RWDD4: variants seen among roughly 807,000 people sequenced by gnomAD.
RWDD4 encodes RWD domain-containing protein 4.
RWDD4 carries 16 observed loss-of-function variants against 30.0 expected under a neutral mutation model. The ratio of observed to expected loss-of-function variants is 0.53; its 90% CI spans 0.36 to 0.81. The LOEUF is 0.81. Ranked by LOEUF, RWDD4 falls within the 30% of genes least tolerant of loss-of-function variation. The pLI is 0.00. For missense variants in RWDD4, 170 were observed against 223.9 expected (o/e 0.76, Z 1.54); for synonymous variants, 45 against 72.1 (o/e 0.62, Z 1.90).
Position 183,646,506 on chromosome 4 carries a change from G to A in RWDD4, c.513C>T (p.Asn171=). 1 of 1,612,472 alleles carries A rather than the reference G, an allele frequency of 6.2e-7. No homozygotes were observed. The change falls in exon 6 of 8, where the codon AAC becomes AAT. Residue 171 remains asparagine, a synonymous_variant. Transcript: ENST00000326397. ...TATATACCTTCACAACATCAACCCA[G>A]TTCCAGCCTCGAGGAAGTTCTCCTT... ...DHKGELPRGW[N]WVDVVKHLSK... is the part of the protein sequence containing the mutation.
rs746186947 is a variant in RWDD4 at position 183,649,571 on chromosome 4, A to C, written c.364-3T>G. On this transcript the variant is annotated splice_region_variant and splice_polypyrimidine_tract_variant and intron_variant, in intron 4 of 7. Transcript: ENST00000326397. ...GAGATGATATTGCTTATCGATGTCT[A>C]AAAAAAAAAAGAAATAATTCTCAGC... 2.4e-6 allele frequency: 1 copy of C among 413,508 alleles called. No homozygotes were observed. The highest frequency in any genetic ancestry group is 3.3e-6 in the Non-Finnish European group (1 of 301,372). 25.6% of individuals were successfully genotyped at this position (413,508 alleles called of 1,614,324 possible).
chr4:183,651,969 T>C (rs1334870082), intron 2 of RWDD4, among the ~76,000 whole-genome samples: 1 of 152,194 alleles, frequency 6.6e-6, no homozygotes, highest in South Asian at 2.1e-4. Context: ...ATTCACCAAA[T>C]ACTTTCTGCC....
intron 2 of RWDD4, among the ~76,000 whole-genome samples, chr4:183,655,027 G>A (rs976284555): frequency 5.3e-5 from 8 of 151,242 alleles, no homozygotes; most frequent in South Asian, 2.1e-4. Context: ...TGGAACCTCC[G>A]CCTCCTGGGT....
At position 183,642,468 on chromosome 4, in the gene RWDD4, C is replaced by T. The variant is rs111537745; in HGVS notation, c.535-1000G>A. On this transcript the variant is annotated intron_variant, in intron 7 of 7. Transcript: ENST00000326397. ...CCTCCCAAAGTGCTGGGATTACAGG[C>T]GTGAGCCACCACGCCCCACCCCAAA... 4.8e-3 allele frequency among the ~76,000 whole-genome samples: 417 copies of T among 86,162 alleles called. 31 individuals carry two copies. Among genetic ancestry groups the T allele is most frequent in the Middle Eastern group, 0.02 (4 of 196 alleles). 56.5% of individuals were successfully genotyped at this position (86,162 alleles called of 152,430 possible).
At position 183,655,943 on chromosome 4, in the gene RWDD4, G is replaced by A. The variant is rs1019115160; in HGVS notation, c.43C>T (p.Arg15Cys). Reference sequence around the variant, plus strand: ...CTTTCATCTCCTTCATAAATAGAGCGTAATGCTTCTAGTTCCATCTGAAAT... The same window carrying A: ...CTTTCATCTCCTTCATAAATAGAGCATAATGCTTCTAGTTCCATCTGAAAT... ...EDQEMELEALRSIYEGDESFR... is the reference protein window; with the variant it reads ...EDQEMELEALCSIYEGDESFR... Residue 15 changes from arginine (R) to cysteine (C), a missense_variant, in exon 2 of 8, where the codon CGC becomes TGC. Transcript: ENST00000326397. 6.2e-7 allele frequency: 1 copy of A among 1,609,736 alleles called. No individual in the cohort carries two copies. Among genetic ancestry groups the A allele is most frequent in the Non-Finnish European group, 8.5e-7 (1 of 1,176,576 alleles).
At chr4:183,655,143 G>T (rs1027584549) in intron 2 of RWDD4, among the ~76,000 whole-genome samples, 1 of 151,834 alleles carries the variant, frequency 6.6e-6, no homozygotes, top group African/African-American at 2.4e-5. Context: ...GTTTCACCTT[G>T]TTGGCCAGGC....
intron 4 of RWDD4, 27 bp downstream of exon 4, chr4:183,650,957 C>T (rs1371804566): frequency 6.3e-7 from 1 of 1,587,466 alleles, no homozygotes; most frequent in African/African-American, 1.4e-5. Flanking sequence ...ACAAAAGAAT[C>T]CGGCAAAAAA....
intron 2 of RWDD4, among the ~76,000 whole-genome samples, chr4:183,653,918 T>A (rs1734133551): frequency 6.6e-6 from 1 of 152,102 alleles, no homozygotes; most frequent in Non-Finnish European, 1.5e-5. Context: ...GAATAATAGT[T>A]CAAAAGTAAC....
chr4:183,649,301 C>T (rs1734026952), intron 5 of RWDD4, 150 bp downstream of exon 5: 1 of 522,602 alleles, frequency 1.9e-6, no homozygotes, highest in Non-Finnish European at 3.4e-6. Flanking sequence ...ATAATCCCAA[C>T]TACTCGGGAG....
chr4:183,658,854 G>T (rs1437148450), intron 1 of RWDD4, 75 bp downstream of exon 1: 1 of 1,182,308 alleles, frequency 8.5e-7, no homozygotes, highest in Non-Finnish European at 1.1e-6. Flanking sequence ...GGCTGTCCGG[G>T]CACCAGGTCT....
At chr4:183,645,874 A>G (rs907414204) in intron 7 of RWDD4, among the ~76,000 whole-genome samples, 15 of 152,312 alleles carry the variant, frequency 9.8e-5, no homozygotes, top group Middle Eastern at 3.4e-3. Flanking sequence ...ACTTGGAGTC[A>G]TATTTAAGAA....
At chr4:183,645,164 G>A (rs1733943820) in intron 7 of RWDD4, among the ~76,000 whole-genome samples, 2 of 152,248 alleles carry the variant, frequency 1.3e-5, no homozygotes, top group East Asian at 1.9e-4. Context: ...TACACTGCTT[G>A]TAAATTACCT....
At chr4:183,650,111 C>T (rs542249105) in intron 4 of RWDD4, among the ~76,000 whole-genome samples, 19 of 152,164 alleles carry the variant, frequency 1.2e-4, no homozygotes, top group African/African-American at 4.1e-4. Flanking sequence ...TTCCATATAC[C>T]ACACATTTGA....
chr4:183,642,853 T>C (rs1733886716), intron 7 of RWDD4, among the ~76,000 whole-genome samples: 1 of 149,000 alleles, frequency 6.7e-6, no homozygotes, highest in Non-Finnish European at 1.5e-5. Context: ...GGTCAGGAGA[T>C]TGAGACCATC....
At position 183,658,917 on chromosome 4, in the gene RWDD4, CG is replaced by C. The variant is rs768719785; in HGVS notation, c.24+11del. 58 of 1,265,652 alleles carry C rather than the reference CG, an allele frequency of 4.6e-5. No individual in the cohort carries two copies. Among genetic ancestry groups the C allele is most frequent in the African/African-American group, 7.6e-5 (5 of 65,684 alleles). 78.4% of individuals were successfully genotyped at this position (1,265,652 alleles called of 1,614,324 possible). ...CCCGCGCTGGGAGAGGGCCCTGAGCCGGGGGGCTCACCTCCTGGTCCTCGTT... is the reference window on the plus strand; with the variant it reads ...CCCGCGCTGGGAGAGGGCCCTGAGCCGGGGGCTCACCTCCTGGTCCTCGTT... On this transcript the variant is annotated intron_variant, in intron 1 of 7. Transcript: ENST00000326397.
chr4:183,656,026 AC>A, intron 1 of RWDD4, 65 bp from the exon 2 acceptor site: 1 of 1,071,568 alleles, frequency 9.3e-7, no homozygotes, highest in Non-Finnish European at 1.4e-6. Flanking sequence ...GAGGGTCTTT[AC>A]TTTCTCATTC....
rs1734315892 is a variant in RWDD4, at chr4:183,659,153, A to T, written c.-201T>A. 2 of 408,580 alleles carry T rather than the reference A, an allele frequency of 4.9e-6. No homozygotes were observed. The highest frequency in any genetic ancestry group is 7.2e-5 in the East Asian group (2 of 27,862). 25.3% of individuals were successfully genotyped at this position (408,580 alleles called of 1,614,324 possible). On this transcript the variant is annotated 5_prime_UTR_variant, in exon 1 of 8. Coordinates refer to ENST00000326397, the MANE Select transcript of RWDD4 (RefSeq NM_152682.4). The stretch of plus-strand genomic sequence containing the variant: ...CGCCGGCAGTGGGCTGTGGGCTACG[A>T]GCCGGAGCCGCGGCTGGTGGGGCCT...
At chr4:183,655,578 C>T (rs1274755163) in intron 2 of RWDD4, among the ~76,000 whole-genome samples, 1 of 152,152 alleles carries the variant, frequency 6.6e-6, no homozygotes, top group South Asian at 2.1e-4. Context: ...GCCACCGCGC[C>T]CAGCCCTACT....
At chr4:183,655,995 G>C in intron 1 of RWDD4, 34 bp from the exon 2 acceptor site, 2 of 1,399,840 alleles carry the variant, frequency 1.4e-6, no homozygotes, top group Non-Finnish European at 2.0e-6. Context: ...TTTGTTTAGT[G>C]GTATAAATGA....
Sources: allele counts gnomAD v4.1 joint callset (sites outside exome capture counted in the v4.1 genomes callset), GRCh38; gene constraint gnomAD v4.1.1; transcripts MANE v1.5; gene names NCBI Gene and HGNC (gene_info 2026-07-23, HGNC 2026-07-21).